PFDN1: variants seen among roughly 807,000 people sequenced by gnomAD.
PFDN1 encodes the protein prefoldin 1.
In PFDN1, 6 loss-of-function variants were observed where a neutral mutation model predicts 17.3. The observed-to-expected ratio is 0.35, with a 90% CI of 0.19 to 0.69. The LOEUF (loss-of-function observed/expected upper bound fraction) is 0.69, where lower values mean the gene tolerates loss of function less well. Among genes scored for constraint, PFDN1 ranks in the 30% least tolerant of loss-of-function variants. The pLI, the probability that PFDN1 is intolerant of heterozygous loss-of-function variation, is 0.65. For synonymous variants in PFDN1, 58 were observed against 50.1 expected, an observed-to-expected ratio of 1.16 and a Z score of -0.67; for missense variants, 113 against 146.2, an observed-to-expected ratio of 0.77 and a Z score of 1.17.
Position 140,245,681 on chromosome 5 carries a change from A to T in PFDN1, c.*293T>A. The T allele has an allele frequency of 9.4e-6, 6 of 638,434 alleles. No homozygotes were observed. The highest frequency in any genetic ancestry group is 1.4e-5 in the Non-Finnish European group (5 of 357,488). The allele number at this position is 638,434 out of a possible 1,614,324, so 39.5% of individuals were successfully genotyped here. ...TGGTCTGGCTGGCGTGCCTAGTGGA[A>T]AGCTCAGGCAGAGCTTCCTATCTTG... is the stretch of plus-strand genomic sequence containing the variant. On this transcript the variant is annotated 3_prime_UTR_variant, in exon 4 of 4. Transcript: ENST00000261813.
chr5:140,273,756 G>T, intron 3 of PFDN1: 1 of 219,574 alleles, frequency 4.6e-6, no homozygotes, highest in Non-Finnish European at 7.7e-6. Context: ...ACGCCAGACT[G>T]TCCTAGGTTT....
chr5:140,298,015 T>C (rs1024151362), intron 2 of PFDN1, among the ~76,000 whole-genome samples: 1 of 152,184 alleles, frequency 6.6e-6, no homozygotes, highest in Non-Finnish European at 1.5e-5. Flanking sequence ...CTGTAGTGAA[T>C]GCCAACAATG....
intron 2 of PFDN1, among the ~76,000 whole-genome samples, chr5:140,287,030 G>A (rs1765506082): frequency 6.6e-6 from 1 of 152,168 alleles, no homozygotes; most frequent in Non-Finnish European, 1.5e-5. Context: ...CCATATTATA[G>A]TGGCTCTAAT....
At chr5:140,249,243 T>C (rs1764877600) in intron 3 of PFDN1, among the ~76,000 whole-genome samples, 1 of 152,228 alleles carries the variant, frequency 6.6e-6, no homozygotes. Context: ...TAAGTTAAGA[T>C]GAGATCATAT....
chr5:140,276,649 A>T (rs974572112), intron 3 of PFDN1, among the ~76,000 whole-genome samples: 3 of 151,730 alleles, frequency 2.0e-5, no homozygotes, highest in Non-Finnish European at 4.4e-5. Context: ...GCGTGGTGGC[A>T]CACACCTGTA....
intron 2 of PFDN1, among the ~76,000 whole-genome samples, chr5:140,289,761 A>C (rs1420376247): frequency 6.6e-6 from 1 of 152,172 alleles, no homozygotes; most frequent in Non-Finnish European, 1.5e-5. Context: ...TCATTTTATC[A>C]ACCCATACCA....
At chr5:140,267,134 G>A (rs909451587) in intron 3 of PFDN1, among the ~76,000 whole-genome samples, 2 of 152,222 alleles carry the variant, frequency 1.3e-5, no homozygotes, top group Non-Finnish European at 2.9e-5. Context: ...ACAGTTACAT[G>A]CAGGTGCACT....
chr5:140,263,492 T>TA (rs1468540521), intron 3 of PFDN1, among the ~76,000 whole-genome samples: 4 of 152,204 alleles, frequency 2.6e-5, no homozygotes, highest in Admixed American at 2.6e-4. Context: ...GGGCCAGAAA[T>TA]AAAAGTTACT....
Position 140,264,020 on chromosome 5 carries a change from C to CAAAAAAAAAAAAAAAAAAAAAA in PFDN1, c.285+17407_285+17428dup, listed in dbSNP as rs58605224. On this transcript the variant is annotated intron_variant, in intron 3 of 3. Transcript: ENST00000261813. ...TGGGGGTCAGAGTGAGACTCCATCT[C>CAAAAAAAAAAAAAAAAAAAAAA]AAAAAAAAAAAAAAAAAAAAAAAAA... Among the ~76,000 whole-genome samples, 3 of 55,580 alleles carry CAAAAAAAAAAAAAAAAAAAAAA rather than the reference C, an allele frequency of 5.4e-5. 1 individual carries two copies. The highest frequency in any genetic ancestry group is 2.0e-4 in the Admixed American group (1 of 4,948). The allele number at this position is 55,580 out of a possible 152,430, so 36.5% of individuals were successfully genotyped here.
chr5:140,300,608 G>A, intron 1 of PFDN1, 26 bp from the exon 2 acceptor site: 1 of 1,524,690 alleles, frequency 6.6e-7, no homozygotes, highest in Non-Finnish European at 8.9e-7. Flanking sequence ...CCATGATTTA[G>A]TAGGTAAAAC....
intron 2 of PFDN1, among the ~76,000 whole-genome samples, chr5:140,297,138 G>A (rs529170319): frequency 6.6e-6 from 1 of 152,220 alleles, no homozygotes; most frequent in East Asian, 1.9e-4. Context: ...TTCAGCAATG[G>A]GAAAATCTAC....
At chr5:140,294,143 A>G (rs757775925) in intron 2 of PFDN1, among the ~76,000 whole-genome samples, 4 of 152,068 alleles carry the variant, frequency 2.6e-5, no homozygotes, top group African/African-American at 4.8e-5. Flanking sequence ...GAATTTATAA[A>G]TTGGCATTTG....
intron 3 of PFDN1, among the ~76,000 whole-genome samples, chr5:140,264,858 A>G (rs1765114525): frequency 6.6e-6 from 1 of 152,184 alleles, no homozygotes; most frequent in Non-Finnish European, 1.5e-5. Flanking sequence ...AAAATAAAAT[A>G]AAATTTAAAA....
chr5:140,286,317 C>T (rs973687759), intron 2 of PFDN1, among the ~76,000 whole-genome samples: 1 of 146,480 alleles, frequency 6.8e-6, no homozygotes, highest in African/African-American at 2.5e-5. Context: ...GAGGCTGAGA[C>T]AGGAAAATCA....
rs577237717 is a variant in PFDN1 at position 140,289,702 on chromosome 5, T to C, written c.201-8169A>G. Among the ~76,000 whole-genome samples the C allele has an allele frequency of 3.3e-5, 5 of 152,326 alleles. No homozygotes were observed. In the South Asian group the frequency reaches 1.0e-3, roughly 32 times the overall value. ...CATGTTCAGCATCTATGATCACTTC[T>C]ACTTGTATGTTCCATATCACCTCAA... On this transcript the variant is annotated intron_variant, in intron 2 of 3. Transcript: ENST00000261813.
At chr5:140,302,067 C>T (rs1414886182) in intron 1 of PFDN1, among the ~76,000 whole-genome samples, 3 of 152,312 alleles carry the variant, frequency 2.0e-5, no homozygotes, top group East Asian at 3.9e-4. Context: ...TTCGGCTGTC[C>T]TATTTCTTTT....
At chr5:140,252,254 G>A (rs1764926110) in intron 3 of PFDN1, among the ~76,000 whole-genome samples, 1 of 152,108 alleles carries the variant, frequency 6.6e-6, no homozygotes. Flanking sequence ...GATGTATACG[G>A]ATATGTACTT....
Position 140,245,290 on chromosome 5 carries a change from G to A in PFDN1, c.*684C>T, listed in dbSNP as rs191632564. The A allele has an allele frequency of 1.6e-5, 9 of 578,388 alleles. No homozygotes were observed. The East Asian group carries it at 2.0e-4, about 13-fold the overall frequency. The allele number at this position is 578,388 out of a possible 1,614,324, so 35.8% of individuals were successfully genotyped here. A position where few individuals can be genotyped will look rare whatever the true frequency, so the allele number is the denominator to read the frequency against. ...TCCATCTTATGATATTGGCCAAAAG[G>A]AGACAGTCTTGGAGGTGCTGCTTAC... On this transcript the variant is annotated 3_prime_UTR_variant, in exon 4 of 4. Transcript: ENST00000261813.
Position 140,245,751 on chromosome 5 carries a change from C to T in PFDN1, c.*223G>A. 9.8e-6 allele frequency: 6 copies of T among 610,986 alleles called. No homozygotes were observed. The highest frequency in any genetic ancestry group is 5.5e-5 in the East Asian group (2 of 36,614). The allele number at this position is 610,986 out of a possible 1,614,324, so 37.8% of individuals were successfully genotyped here. A position where few individuals can be genotyped will look rare whatever the true frequency, so the allele number is the denominator to read the frequency against. On this transcript the variant is annotated 3_prime_UTR_variant, in exon 4 of 4. Coordinates refer to ENST00000261813, the MANE Select transcript of PFDN1 (RefSeq NM_002622.5). ...TCTCCTGGGAGTTCATCACACATCC[C>T]GAGAGGGAAGAGTGTCCTGGGCAGA...
Sources: gnomAD v4.1 joint callset for allele counts (sites outside exome capture counted in the v4.1 genomes callset) on GRCh38, gnomAD v4.1.1 for gene constraint, MANE v1.5 for transcripts, NCBI Gene and HGNC (gene_info 2026-07-23, HGNC 2026-07-21) for gene names.